The following KLB variants were observed in gnomAD, a reference collection of about 807,000 sequenced individuals.
KLB encodes the protein beta-klotho.
A neutral mutation model predicts 88.4 loss-of-function variants in KLB; 44 were observed. The ratio of observed to expected loss-of-function variants is 0.50; its 90% CI spans 0.39 to 0.64. The LOEUF (loss-of-function observed/expected upper bound fraction) is 0.64. Ranked by LOEUF, KLB falls within the 30% of genes least tolerant of loss-of-function variation. The pLI is 0.00. For synonymous variants in KLB, 548 were observed against 513.4 expected (o/e 1.07, Z -0.91); for missense variants, 1,137 against 1,304.8 (o/e 0.87, Z 1.98).
Position 39,407,785 on chromosome 4 carries a change from G to T in KLB, c.825+11G>T. On this transcript the variant is annotated intron_variant, in intron 1 of 4. Transcript: ENST00000257408. ...CACAACTTGATCAAGGTACTGTACA[G>T]CTAGCTTCTTCTTATAGCTTCAGAA... 6.9e-7 allele frequency: 1 copy of T among 1,440,204 alleles called. No individual in the cohort carries two copies. The highest frequency in any genetic ancestry group is 1.5e-5 in the South Asian group (1 of 65,468). The allele number at this position is 1,440,204 out of a possible 1,614,324, so 89.2% of individuals were successfully genotyped here. A position where few individuals can be genotyped will look rare whatever the true frequency, so the allele number is the denominator to read the frequency against.
intron 3 of KLB, 145 bp downstream of exon 3, chr4:39,438,140 G>A: frequency 1.3e-6 from 1 of 780,552 alleles, no homozygotes; most frequent in Non-Finnish European, 2.0e-6. Context: ...TAGGGAAAGA[G>A]AAGGGAGAAA....
intron 1 of KLB, among the ~76,000 whole-genome samples, chr4:39,431,812 T>C (rs527412930): frequency 1.3e-5 from 2 of 152,338 alleles, no homozygotes; most frequent in Admixed American, 1.3e-4. Context: ...GTCCACAGGA[T>C]CGATCTGGTT....
rs1333061801 is a variant in KLB, at chr4:39,448,377, T to G, written c.2826T>G (p.Phe942Leu). ...KLAEEKSKPR[F>L]GFFTSDFKAK... The stretch of plus-strand genomic sequence containing the variant: ...CTGAAGAGAAATCTAAACCCAGATT[T>G]GGATTCTTCACATCTGATTTTAAAG... The change falls in exon 5 of 5, where the codon TTT becomes TTG. Residue 942 changes from phenylalanine (F) to leucine (L), a missense_variant. By Grantham distance (22) the Phe-to-Leu change is conservative. Coordinates refer to ENST00000257408, the MANE Select transcript of KLB (RefSeq NM_175737.4). 2.5e-6 allele frequency: 4 copies of G among 1,613,900 alleles called. No individual in the cohort carries two copies. Among genetic ancestry groups the G allele is most frequent in the South Asian group, 1.1e-5 (1 of 91,076 alleles).
Position 39,447,058 on chromosome 4 carries a change from A to G in KLB, c.2332A>G (p.Lys778Glu). Residue 778 changes from lysine (K) to glutamate (E), a missense_variant, in exon 4 of 5, where the codon AAG becomes GAG. By Grantham distance (56) the Lys-to-Glu change is moderately conservative. Coordinates refer to ENST00000257408, the MANE Select transcript of KLB (RefSeq NM_175737.4). ...CGCCTGGTTCGCCGAGCCGCTCTTC[A>G]AGACCGGGGACTACCCCGCGGCCAT... ...EIAWFAEPLF[K>E]TGDYPAAMRE... 6.2e-7 allele frequency: 1 copy of G among 1,612,682 alleles called. No homozygotes were observed. Among genetic ancestry groups the G allele is most frequent in the East Asian group, 2.2e-5 (1 of 44,888 alleles).
At chr4:39,413,598 C>A (rs1002526682) in intron 1 of KLB, among the ~76,000 whole-genome samples, 6 of 151,868 alleles carry the variant, frequency 4.0e-5, no homozygotes, top group African/African-American at 1.2e-4. Context: ...GTGGCACATA[C>A]CTGTAGTCCC....
chr4:39,422,417 T>C (rs2109826613), intron 1 of KLB, among the ~76,000 whole-genome samples: 1 of 152,310 alleles, frequency 6.6e-6, no homozygotes. Context: ...CGATATAGCC[T>C]GGGCCTGATT....
At chr4:39,407,896 G>T in intron 1 of KLB, 122 bp downstream of exon 1, 1 of 577,922 alleles carries the variant, frequency 1.7e-6, no homozygotes, top group Non-Finnish European at 2.9e-6. Flanking sequence ...TAATTCAAAA[G>T]ATCTATCCTC....
At chr4:39,419,281 A>G (rs751160684) in intron 1 of KLB, among the ~76,000 whole-genome samples, 5 of 152,172 alleles carry the variant, frequency 3.3e-5, no homozygotes, top group Non-Finnish European at 5.9e-5. Flanking sequence ...TCCTATTTAA[A>G]CAGCTTGATT....
rs544085610 is a variant in KLB, at chr4:39,408,204, A to C, written c.825+430A>C. Among the ~76,000 whole-genome samples, 10 of 152,332 alleles carry C rather than the reference A, an allele frequency of 6.6e-5. No individual in the cohort carries two copies. The South Asian group carries it at 2.1e-3, about 32-fold the overall frequency. ...AACTTAGCTAATAAGTAAATAAAGT[A>C]AGTAAATAAGTAAGCCAAATAAATG... is the stretch of plus-strand genomic sequence containing the variant. On this transcript the variant is annotated intron_variant, in intron 1 of 4. Coordinates refer to ENST00000257408, the MANE Select transcript of KLB (RefSeq NM_175737.4).
rs577665027 is a variant in KLB, at chr4:39,422,037, C to T, written c.826-12173C>T. On this transcript the variant is annotated intron_variant, in intron 1 of 4. Coordinates refer to ENST00000257408, the MANE Select transcript of KLB (RefSeq NM_175737.4). Reference sequence around the variant, plus strand: ...TTGGAATTACAGGCATGAGCCACCACGCCCGGCCGCCTCTGAGTGTTTCTT... The same window carrying T: ...TTGGAATTACAGGCATGAGCCACCATGCCCGGCCGCCTCTGAGTGTTTCTT... Among the ~76,000 whole-genome samples, 6 of 152,158 alleles carry T rather than the reference C, an allele frequency of 3.9e-5. No homozygotes were observed. The South Asian group carries it at 6.2e-4, about 16-fold the overall frequency.
chr4:39,426,800 A>G (rs571038677), intron 1 of KLB, among the ~76,000 whole-genome samples: 2 of 151,874 alleles, frequency 1.3e-5, no homozygotes, highest in South Asian at 4.2e-4. Context: ...CAATCCTTCC[A>G]TCTAATCCTC....
rs1235421224 is a variant in KLB, at chr4:39,429,516, A to G, written c.826-4694A>G. 3.3e-5 allele frequency among the ~76,000 whole-genome samples: 5 copies of G among 152,228 alleles called. No individual in the cohort carries two copies. In the East Asian group the frequency reaches 7.7e-4, roughly 23 times the overall value. On this transcript the variant is annotated intron_variant, in intron 1 of 4. Coordinates refer to ENST00000257408, the MANE Select transcript of KLB (RefSeq NM_175737.4). The stretch of plus-strand genomic sequence containing the variant: ...GTCCTGGTTGTCTCTCAATGACATT[A>G]GGGCCTGATAGCTGGCTCCAAAAGA...
In KLB at chr4:39,446,367, T is replaced by C. The variant is rs916885903; in HGVS notation, c.1641T>C (p.Asp547=). Residue 547 remains aspartate, a synonymous_variant, in exon 4 of 5, where the codon GAT becomes GAC. Coordinates refer to ENST00000257408, the MANE Select transcript of KLB (RefSeq NM_175737.4). The surrounding 1 kb of genome is among the most constrained non-coding windows in gnomAD (Gnocchi z 6.4). ...TGGCTTCGTCCCCACAGTTCAGCGA[T>C]CCTCATCTGTACGTGTGGAACGCCA... is the stretch of plus-strand genomic sequence containing the variant. ...ESVASSPQFS[D]PHLYVWNATG... 3.1e-6 allele frequency: 5 copies of C among 1,614,190 alleles called. No homozygotes were observed. Among genetic ancestry groups the C allele is most frequent in the African/African-American group, 2.7e-5 (2 of 75,060 alleles).
At position 39,407,683 on chromosome 4, in the gene KLB, T is replaced by C; in HGVS notation, c.734T>C (p.Val245Ala). 1 of 1,614,066 alleles carries C rather than the reference T, an allele frequency of 6.2e-7. No homozygotes were observed. The highest frequency in any genetic ancestry group is 8.5e-7 in the Non-Finnish European group (1 of 1,179,918). The change falls in exon 1 of 5, where the codon GTG becomes GCG. Residue 245 changes from valine to alanine, a missense_variant. Physicochemically the swap from Val to Ala is moderately conservative, Grantham distance 64 (BLOSUM62 0). Coordinates refer to ENST00000257408, the MANE Select transcript of KLB (RefSeq NM_175737.4). ...ATTACAATTCACAACCCATATCTAG[T>C]GGCTTGGCATGGGTATGGGACAGGT... ...YWITIHNPYL[V>A]AWHGYGTGMH...
rs550556979 is a variant in KLB, at chr4:39,447,625, T to C, written c.2749+150T>C. On this transcript the variant is annotated intron_variant, in intron 4 of 4. Coordinates refer to ENST00000257408, the MANE Select transcript of KLB (RefSeq NM_175737.4). ...TTGAATTTTGTCCTGAAAACTGGCC[T>C]ATGGGATTTTTGAAAAAATTTTAAA... 29 of 609,522 alleles carry C rather than the reference T, an allele frequency of 4.8e-5. No individual in the cohort carries two copies. In the South Asian group the frequency reaches 9.0e-4, roughly 19 times the overall value. 37.8% of individuals were successfully genotyped at this position (609,522 alleles called of 1,614,324 possible).
chr4:39,437,636 A>G, intron 2 of KLB, 91 bp from the exon 3 acceptor site: 1 of 1,425,308 alleles, frequency 7.0e-7, no homozygotes, highest in Non-Finnish European at 9.5e-7. Context: ...TCGTTTTACA[A>G]TATGCTGTCC....
intron 3 of KLB, among the ~76,000 whole-genome samples, chr4:39,445,586 C>A (rs1322857399): frequency 6.6e-6 from 1 of 150,632 alleles, no homozygotes; most frequent in Non-Finnish European, 1.5e-5. Flanking sequence ...CTCACTGCAA[C>A]CTTCGCCTCC....
chr4:39,439,474 TTTTG>T (rs1170046167), intron 3 of KLB, among the ~76,000 whole-genome samples: 1 of 151,952 alleles, frequency 6.6e-6, no homozygotes, highest in East Asian at 1.9e-4. Flanking sequence ...TTGTTTTTGT[TTTTG>T]TTTTTGAGAC....
intron 1 of KLB, among the ~76,000 whole-genome samples, chr4:39,420,885 TTAAAAA>T (rs71192862): frequency 0.34 from 51,032 of 151,626 alleles, 9,838 homozygotes; most frequent in South Asian, 0.57. Context: ...AAACACATTG[TTAAAAA>T]TAAAGGTTCT....
Sources: allele counts gnomAD v4.1 joint callset (sites outside exome capture counted in the v4.1 genomes callset), GRCh38; gene constraint gnomAD v4.1.1; non-coding constraint Gnocchi (gnomAD v3.1); transcripts MANE v1.5; gene names NCBI Gene and HGNC (gene_info 2026-07-23, HGNC 2026-07-21).